The following SLC25A17 variants were observed in gnomAD, a reference collection of about 807,000 sequenced individuals.
SLC25A17 encodes the protein peroxisomal membrane protein PMP34.
SLC25A17 carries 26 observed loss-of-function variants against 38.5 expected under a neutral mutation model. The observed-to-expected ratio is 0.68, with a 90% confidence interval of 0.50 to 0.94. SLC25A17 has a LOEUF of 0.94. Among genes scored for constraint, SLC25A17 ranks in the 40% least tolerant of loss-of-function variants. SLC25A17 has a pLI of 0.00. For synonymous variants in SLC25A17, 139 were observed against 136.2 expected (o/e 1.02, Z -0.14); for missense variants, 333 against 372.7 (o/e 0.89, Z 0.88).
chr22:40,783,642 C>A (rs748465377), intron 4 of SLC25A17, among the ~76,000 whole-genome samples: 1 of 151,662 alleles, frequency 6.6e-6, no homozygotes, highest in Non-Finnish European at 1.5e-5. Context: ...ATTCCCAGCA[C>A]TGAAGTTAAA....
intron 1 of SLC25A17, among the ~76,000 whole-genome samples, chr22:40,806,500 A>C (rs1445879627): frequency 1.3e-5 from 2 of 152,218 alleles, no homozygotes; most frequent in East Asian, 1.9e-4. Context: ...AAAGAAGATT[A>C]AAAACCTACA....
chr22:40,779,501 A>G (rs1180483328), intron 4 of SLC25A17: 3 of 443,570 alleles, frequency 6.8e-6, no homozygotes, highest in African/African-American at 1.9e-5. Flanking sequence ...TAACATGCTA[A>G]GTCCATGACA....
intron 5 of SLC25A17, among the ~76,000 whole-genome samples, chr22:40,777,752 A>G (rs936717936): frequency 6.6e-6 from 1 of 151,196 alleles, no homozygotes; most frequent in Non-Finnish European, 1.5e-5. Flanking sequence ...ACTGCACTCC[A>G]GCCTGGGTGA....
chr22:40,779,344 G>C (rs2083759896), intron 4 of SLC25A17: 1 of 1,283,742 alleles, frequency 7.8e-7, no homozygotes, highest in Non-Finnish European at 1.0e-6. Flanking sequence ...GGCGGCAGCA[G>C]CTCTCCAGAT....
chr22:40,799,124 A>C (rs551138654), intron 1 of SLC25A17, 41 bp from the exon 2 acceptor site: 1 of 1,535,758 alleles, frequency 6.5e-7, no homozygotes, highest in African/African-American at 1.4e-5. Flanking sequence ...TCACAAACAT[A>C]GTTTAAGTCA....
At chr22:40,812,012 TC>T (rs1380480666) in intron 1 of SLC25A17, among the ~76,000 whole-genome samples, 5 of 152,062 alleles carry the variant, frequency 3.3e-5, no homozygotes, top group African/African-American at 9.7e-5. Context: ...CACCTGGATT[TC>T]TTTCTTTTTC....
rs2057167009 is a variant in SLC25A17 at position 40,770,120 on chromosome 22, G to C, written c.*714C>G. 1 of 152,092 alleles carries C rather than the reference G, an allele frequency of 6.6e-6. No homozygotes were observed. Among genetic ancestry groups the C allele is most frequent in the South Asian group, 2.1e-4 (1 of 4,830 alleles). The allele number at this position is 152,092 out of a possible 1,614,324, so 9.4% of individuals were successfully genotyped here. Reference sequence around the variant, plus strand: ...CCATTTATTGGGACTTGACTGACCAGGGCTTGTAAGAATGGACACAAAACT... The same window carrying C: ...CCATTTATTGGGACTTGACTGACCACGGCTTGTAAGAATGGACACAAAACT... On this transcript the variant is annotated 3_prime_UTR_variant, in exon 9 of 9. Transcript: ENST00000435456.
At chr22:40,774,425 T>C (rs951686799) in intron 7 of SLC25A17, among the ~76,000 whole-genome samples, 18 of 152,210 alleles carry the variant, frequency 1.2e-4, no homozygotes, top group African/African-American at 4.1e-4. Context: ...GGTTTCACCA[T>C]GTTGGCCAGG....
chr22:40,795,011 C>T (rs1273764257), intron 2 of SLC25A17, among the ~76,000 whole-genome samples: 1 of 152,106 alleles, frequency 6.6e-6, no homozygotes, highest in Admixed American at 6.5e-5. Flanking sequence ...CCTCAGCCTC[C>T]CAAAGTGCTG....
At chr22:40,778,367 A>C (rs1365540073) in intron 5 of SLC25A17, among the ~76,000 whole-genome samples, 1 of 152,172 alleles carries the variant, frequency 6.6e-6, no homozygotes, top group Non-Finnish European at 1.5e-5. Context: ...TGTTTATACC[A>C]TTGGGTGTGT....
At chr22:40,808,451 C>T (rs1198415146) in intron 1 of SLC25A17, among the ~76,000 whole-genome samples, 2 of 152,220 alleles carry the variant, frequency 1.3e-5, no homozygotes, top group Non-Finnish European at 2.9e-5. Context: ...GTTTATTGTT[C>T]TCCTACAGAA....
chr22:40,802,466 GA>G (rs532018191), intron 1 of SLC25A17, among the ~76,000 whole-genome samples: 80 of 152,124 alleles, frequency 5.3e-4, no homozygotes, highest in African/African-American at 1.7e-3. Context: ...CCAACATGGT[GA>G]AACTCCCCCT....
Position 40,792,691 on chromosome 22 carries a change from C to G in SLC25A17, c.183-15G>C. 6.2e-7 allele frequency: 1 copy of G among 1,613,146 alleles called. No individual in the cohort carries two copies. The highest frequency in any genetic ancestry group is 8.5e-7 in the Non-Finnish European group (1 of 1,179,556). ...ATGGTGCCAGGCTAGGGGAAAAACA[C>G]AATAAGCAAAGTAAAGGTCATGGAC... On this transcript the variant is annotated splice_polypyrimidine_tract_variant and intron_variant, in intron 3 of 8. Transcript: ENST00000435456.
Position 40,789,209 on chromosome 22 carries a change from A to G in SLC25A17, c.334+3316T>C. 4.6e-6 allele frequency: 1 copy of G among 217,404 alleles called. No individual in the cohort carries two copies. Among genetic ancestry groups the G allele is most frequent in the South Asian group, 7.2e-5 (1 of 13,924 alleles). 13.5% of individuals were successfully genotyped at this position (217,404 alleles called of 1,614,324 possible). A position where few individuals can be genotyped will look rare whatever the true frequency, so the allele number is the denominator to read the frequency against. On this transcript the variant is annotated intron_variant, in intron 4 of 8. Transcript: ENST00000435456. This position sits in a 1 kb window ranked among gnomAD's most constrained non-coding sequence, Gnocchi z 4.5. Reference sequence around the variant, plus strand: ...CTTGTAGCCACGGCCGAAGCCCCATACCACTTGGTCCCGGCAGGAGTATGA... The same window carrying G: ...CTTGTAGCCACGGCCGAAGCCCCATGCCACTTGGTCCCGGCAGGAGTATGA...
intron 1 of SLC25A17, among the ~76,000 whole-genome samples, chr22:40,814,789 ATTGTTG>A (rs1400643339): frequency 2.7e-5 from 3 of 110,386 alleles, no homozygotes; most frequent in East Asian, 5.0e-4. Context: ...ATATATATAT[ATTGTTG>A]TTGTTGTTGT....
At chr22:40,805,038 T>A (rs1332219698) in intron 1 of SLC25A17, among the ~76,000 whole-genome samples, 1 of 152,224 alleles carries the variant, frequency 6.6e-6, no homozygotes, top group African/African-American at 2.4e-5. Context: ...ACTGCTGTTC[T>A]GAACAAAGCA....
chr22:40,784,596 G>A, intron 4 of SLC25A17: 1 of 249,256 alleles, frequency 4.0e-6, no homozygotes, highest in Admixed American at 3.9e-5. Flanking sequence ...AACACAGAAA[G>A]ACCCCCATCT....
chr22:40,799,103 C>T lies in SLC25A17; in HGVS notation c.55-20G>A, dbSNP rs2057457511. On this transcript the variant is annotated intron_variant, in intron 1 of 8. Transcript: ENST00000435456. Reference sequence around the variant, plus strand: ...GCTTCCCTGAAAAGTTTGAAAAAGGCCATTACAGCATCACAAACATAGTTT... The same window carrying T: ...GCTTCCCTGAAAAGTTTGAAAAAGGTCATTACAGCATCACAAACATAGTTT... 2 of 1,601,846 alleles carry T rather than the reference C, an allele frequency of 1.2e-6. No homozygotes were observed. The highest frequency in any genetic ancestry group is 1.7e-5 in the Admixed American group (1 of 59,118).
At chr22:40,773,823 T>G in intron 8 of SLC25A17, 114 bp downstream of exon 8, 2 of 764,276 alleles carry the variant, frequency 2.6e-6, no homozygotes, top group Non-Finnish European at 4.7e-6. Context: ...AAGGGAAAGG[T>G]TTTGGAGGTT....
Sources: allele counts gnomAD v4.1 joint callset (sites outside exome capture counted in the v4.1 genomes callset), GRCh38; gene constraint gnomAD v4.1.1; non-coding constraint Gnocchi (gnomAD v3.1); transcripts MANE v1.5; gene names NCBI Gene and HGNC (gene_info 2026-07-23, HGNC 2026-07-21).